Variants in EBF4 observed in about 807,000 individuals in gnomAD.
EBF4 encodes the protein transcription factor COE4.
EBF4 carries 34 observed loss-of-function variants against 67.1 expected under a neutral mutation model. That is an observed-to-expected ratio of 0.51 (90% CI 0.39 to 0.67). EBF4 has a LOEUF of 0.67. EBF4 is among the 30% of genes least tolerant of loss of function. The pLI is 0.00. For missense variants in EBF4, 837 were observed against 873.3 expected (o/e 0.96, Z 0.52); for synonymous variants, 387 against 377.7 (o/e 1.02, Z -0.29).
rs1170832088 is a variant in EBF4 at position 2,696,856 on chromosome 20, C to A, written c.137+3074C>A. 6.6e-6 allele frequency among the ~76,000 whole-genome samples: 1 copy of A among 152,206 alleles called. No homozygotes were observed. Among genetic ancestry groups the A allele is most frequent in the Non-Finnish European group, 1.5e-5 (1 of 68,030 alleles). Reference sequence around the variant, plus strand: ...TTACCATAGGCCAGCATCTGCTCTCCTCTGCCTGTCCCGGTCCTCCTTGCC... The same window carrying A: ...TTACCATAGGCCAGCATCTGCTCTCATCTGCCTGTCCCGGTCCTCCTTGCC... On this transcript the variant is annotated intron_variant, in intron 1 of 16. Coordinates refer to ENST00000609451, the Ensembl canonical transcript of EBF4. This position sits in a 1 kb window ranked among gnomAD's most constrained non-coding sequence, Gnocchi z 4.7.
intron 5 of EBF4, among the ~76,000 whole-genome samples, chr20:2,708,321 T>C (rs2087489002): frequency 6.6e-6 from 1 of 152,176 alleles, no homozygotes; most frequent in Admixed American, 6.5e-5. Context: ...GGAGGGCTGC[T>C]GGGGTTGCGG....
chr20:2,699,615 C>T (rs948117153), intron 1 of EBF4, among the ~76,000 whole-genome samples: 4 of 152,144 alleles, frequency 2.6e-5, no homozygotes, highest in African/African-American at 7.2e-5. Context: ...TTTAAGAAAG[C>T]GAGGAAATGT....
chr20:2,714,847 A>T (rs1472496575), intron 6 of EBF4, among the ~76,000 whole-genome samples: 1 of 151,762 alleles, frequency 6.6e-6, no homozygotes, highest in African/African-American at 2.4e-5. Context: ...GGCCTTTATC[A>T]CTCCAATATT....
intron 6 of EBF4, among the ~76,000 whole-genome samples, chr20:2,744,032 T>C (rs2146482056): frequency 6.6e-6 from 1 of 152,250 alleles, no homozygotes; most frequent in Non-Finnish European, 1.5e-5. Flanking sequence ...CTTTATTATC[T>C]GTCTTTCCAT....
intron 1 of EBF4, among the ~76,000 whole-genome samples, chr20:2,698,883 G>C (rs907565048): frequency 2.0e-5 from 3 of 152,108 alleles, no homozygotes; most frequent in African/African-American, 7.2e-5. Flanking sequence ...AAGGCAAGAC[G>C]CCTGGGGGTG....
chr20:2,718,263 A>G (rs568466231), intron 6 of EBF4, among the ~76,000 whole-genome samples: 1 of 152,066 alleles, frequency 6.6e-6, no homozygotes, highest in East Asian at 1.9e-4. Context: ...TTTTCTTGTA[A>G]TTTCTTTGGT....
intron 6 of EBF4, among the ~76,000 whole-genome samples, chr20:2,742,799 A>T: frequency 6.6e-6 from 1 of 152,122 alleles, no homozygotes; most frequent in East Asian, 1.9e-4. Flanking sequence ...GAACACCCCC[A>T]GGCTCATCCA....
At chr20:2,698,313 G>A (rs563079377) in intron 1 of EBF4, among the ~76,000 whole-genome samples, 6 of 152,374 alleles carry the variant, frequency 3.9e-5, no homozygotes, top group African/African-American at 1.4e-4. Context: ...CAGGCTCTGG[G>A]CAGCTGCCTG....
chr20:2,749,946 G>A, exon 10 of EBF4: 1 of 1,551,114 alleles, frequency 6.4e-7, no homozygotes, highest in East Asian at 2.4e-5. Flanking sequence ...GTTTTGCAAG[G>A]GATGCCCCGG....
At chr20:2,752,640 G>T (rs949001242) in intron 14 of EBF4, 95 bp downstream of exon 14, 2 of 1,084,328 alleles carry the variant, frequency 1.8e-6, no homozygotes, top group Admixed American at 8.7e-5. Context: ...TTGGGGCGCC[G>T]GCGCCGTGAG....
intron 7 of EBF4, among the ~76,000 whole-genome samples, chr20:2,749,183 G>A (rs1046365707): frequency 1.3e-5 from 2 of 152,136 alleles, no homozygotes; most frequent in African/African-American, 4.8e-5. Context: ...CTTTATTTTT[G>A]TAGCGCCTGG....
intron 6 of EBF4, among the ~76,000 whole-genome samples, chr20:2,737,238 GA>G (rs1262670408): frequency 8.0e-6 from 1 of 124,632 alleles, no homozygotes; most frequent in Non-Finnish European, 1.6e-5. Context: ...TAACAGGAGC[GA>G]AACTCCGTCT....
At chr20:2,753,181 C>T (rs6051359) in intron 14 of EBF4, among the ~76,000 whole-genome samples, 26 of 152,322 alleles carry the variant, frequency 1.7e-4, no homozygotes, top group African/African-American at 6.3e-4. Flanking sequence ...GTCAATTCCA[C>T]CCCCTGCTTA....
chr20:2,759,480 C>T (rs2088294016), downstream of EBF4: 1 of 195,318 alleles, frequency 5.1e-6, no homozygotes. Context: ...TAGTCAGAAG[C>T]CCCAGCACTG....
At chr20:2,738,985 G>C (rs931770654) in intron 6 of EBF4, among the ~76,000 whole-genome samples, 5 of 152,072 alleles carry the variant, frequency 3.3e-5, no homozygotes, top group East Asian at 1.9e-4. Flanking sequence ...ACCCGGGTGG[G>C]GATCATGGTG....
chr20:2,751,664 G>C lies in EBF4; in HGVS notation c.1019-36G>C, dbSNP rs1348579899. 1 of 1,546,004 alleles carries C rather than the reference G, an allele frequency of 6.5e-7. No homozygotes were observed. The highest frequency in any genetic ancestry group is 8.7e-7 in the Non-Finnish European group (1 of 1,142,994). On this transcript the variant is annotated intron_variant, in intron 10 of 16. Coordinates refer to ENST00000609451, the Ensembl canonical transcript of EBF4. The surrounding 1 kb of genome is among the most constrained non-coding windows in gnomAD (Gnocchi z 5.2). ...CTCACCCTGGGAGTGGGGGGCTGCG[G>C]GGGAGACGTCCTCCAAACGCCGCCC...
At chr20:2,730,551 C>T (rs1403754812) in intron 6 of EBF4, among the ~76,000 whole-genome samples, 1 of 152,204 alleles carries the variant, frequency 6.6e-6, no homozygotes, top group African/African-American at 2.4e-5. Flanking sequence ...CAACTCACTA[C>T]CCCCAGTAAA....
At chr20:2,708,405 C>G (rs565625494) in intron 5 of EBF4, among the ~76,000 whole-genome samples, 1 of 152,348 alleles carries the variant, frequency 6.6e-6, no homozygotes, top group African/African-American at 2.4e-5. Flanking sequence ...CCTAGGGCAG[C>G]TCTCTGGCAG....
chr20:2,736,346 G>A (rs1324582911), intron 6 of EBF4, among the ~76,000 whole-genome samples: 1 of 152,160 alleles, frequency 6.6e-6, no homozygotes, highest in African/African-American at 2.4e-5. Context: ...CCTGGCAAAG[G>A]TAAGCTCTGG....
Sources: allele counts gnomAD v4.1 joint callset (sites outside exome capture counted in the v4.1 genomes callset), GRCh38; gene constraint gnomAD v4.1.1; non-coding constraint Gnocchi (gnomAD v3.1); transcripts MANE v1.5; gene names NCBI Gene and HGNC (gene_info 2026-07-23, HGNC 2026-07-21).